The following SYNE2 variants were observed in gnomAD, a reference collection of about 807,000 sequenced individuals.
The protein encoded by SYNE2 is spectrin repeat containing nuclear envelope protein 2.
A neutral mutation model predicts 856.3 loss-of-function variants in SYNE2; 431 were observed. The ratio of observed to expected loss-of-function variants is 0.50; its 90% CI spans 0.47 to 0.55. The LOEUF (loss-of-function observed/expected upper bound fraction) is 0.55, where lower values mean the gene tolerates loss of function less well. Among genes scored for constraint, SYNE2 ranks in the 20% least tolerant of loss-of-function variants. SYNE2 has a pLI of 0.00. For synonymous variants in SYNE2, 2,923 were observed against 2,872.3 expected (o/e 1.02, Z -0.56); for missense variants, 8,129 against 8,023.2 (o/e 1.01, Z -0.50).
Position 64,218,291 on chromosome 14 carries a change from G to C in SYNE2, c.19543-107G>C, listed in dbSNP as rs894270865. 7 of 1,021,038 alleles carry C rather than the reference G, an allele frequency of 6.9e-6. No individual in the cohort carries two copies. In the African/African-American group the frequency reaches 1.1e-4, roughly 16 times the overall value. The allele number at this position is 1,021,038 out of a possible 1,614,324, so 63.2% of individuals were successfully genotyped here. On this transcript the variant is annotated intron_variant, in intron 108 of 115. Transcript: ENST00000555002. Reference sequence around the variant, plus strand: ...ATTCCTAGCAAGATACCCTTCAAAGGAAAGGGGCCCATCTCATTTCTTCAC... The same window carrying C: ...ATTCCTAGCAAGATACCCTTCAAAGCAAAGGGGCCCATCTCATTTCTTCAC...
chr14:63,881,939 T>C (rs901920878), intron 1 of SYNE2, among the ~76,000 whole-genome samples: 1 of 152,206 alleles, frequency 6.6e-6, no homozygotes, highest in African/African-American at 2.4e-5. Context: ...CTCTTTAGAA[T>C]AGTGTTTGAA....
intron 45 of SYNE2, among the ~76,000 whole-genome samples, chr14:64,047,758 C>T (rs1367752361): frequency 6.6e-6 from 1 of 152,056 alleles, no homozygotes; most frequent in East Asian, 1.9e-4. Flanking sequence ...ATAGATTTTG[C>T]TTCAGTATAC....
chr14:63,990,587 C>G lies in SYNE2; in HGVS notation c.2472+18C>G. On this transcript the variant is annotated intron_variant, in intron 20 of 115. Transcript: ENST00000555002. ...AAGTCCAGGTCTCTCTTTAATATTC[C>G]CTATTTAGTAATTCTGTTCTCTAAA... is the stretch of plus-strand genomic sequence containing the variant. 3.7e-6 allele frequency: 6 copies of G among 1,611,514 alleles called. No individual in the cohort carries two copies. The highest frequency in any genetic ancestry group is 3.4e-4 in the Middle Eastern group (2 of 5,952).
At chr14:64,032,427 C>G (rs77954264) in intron 45 of SYNE2, among the ~76,000 whole-genome samples, 3 of 152,078 alleles carry the variant, frequency 2.0e-5, no homozygotes, top group Non-Finnish European at 4.4e-5. Context: ...CCGGGCATGA[C>G]AGTGCACATC....
At chr14:63,850,348 A>G (rs1241023262), upstream of SYNE2, among the ~76,000 whole-genome samples, 1 of 150,624 alleles carries the variant, frequency 6.6e-6, no homozygotes, top group East Asian at 2.0e-4. Flanking sequence ...TCAGCCGCCC[A>G]AAGTGCTGGG....
intron 83 of SYNE2, 41 bp downstream of exon 83, chr14:64,143,989 T>TA (rs2098161569): frequency 6.2e-7 from 1 of 1,610,836 alleles, no homozygotes; most frequent in Admixed American, 1.7e-5. Flanking sequence ...GTTTGACCTT[T>TA]ATGAAACACA....
rs2098385116 is a variant in SYNE2, at chr14:64,167,224, T to A, written c.16606-9T>A. On this transcript the variant is annotated splice_polypyrimidine_tract_variant and intron_variant, in intron 90 of 115. Transcript: ENST00000555002. Reference sequence around the variant, plus strand: ...TCCAAAAACCTGTACTTCAATTTTTTAAAAATAGAATCATGTGCTGGCACT... The same window carrying A: ...TCCAAAAACCTGTACTTCAATTTTTAAAAAATAGAATCATGTGCTGGCACT... 6.2e-7 allele frequency: 1 copy of A among 1,614,084 alleles called. No homozygotes were observed. Among genetic ancestry groups the A allele is most frequent in the South Asian group, 1.1e-5 (1 of 91,080 alleles).
At chr14:63,803,337 C>T (rs1043058778) in intron 1 of SYNE2, among the ~76,000 whole-genome samples, 2 of 152,196 alleles carry the variant, frequency 1.3e-5, no homozygotes, top group African/African-American at 2.4e-5. Flanking sequence ...CGGGGAGGCT[C>T]GGGCGGCACA....
intron 1 of SYNE2, among the ~76,000 whole-genome samples, chr14:63,809,207 C>T (rs7143535): frequency 6.6e-6 from 1 of 151,316 alleles, no homozygotes. Context: ...TTAAATAAAG[C>T]GTTTGTGTTC....
At chr14:64,152,954 T>G (rs571999867) in intron 85 of SYNE2, among the ~76,000 whole-genome samples, 14 of 152,232 alleles carry the variant, frequency 9.2e-5, no homozygotes, top group Non-Finnish European at 1.8e-4. Flanking sequence ...CTTGGTTATC[T>G]TTGTTTTGTC....
At chr14:64,086,702 C>CTTTTTTTTTTTT (rs56168321) in intron 57 of SYNE2, among the ~76,000 whole-genome samples, 2 of 64,652 alleles carry the variant, frequency 3.1e-5, no homozygotes, top group African/African-American at 6.1e-5. Flanking sequence ...GTATGCAGGT[C>CTTTTTTTTTTTT]TTTTTTTTTT....
At chr14:64,164,048 T>G (rs2098352364) in intron 89 of SYNE2, among the ~76,000 whole-genome samples, 1 of 152,114 alleles carries the variant, frequency 6.6e-6, no homozygotes, top group African/African-American at 2.4e-5. Context: ...GCCTCCCGGA[T>G]AGCTGGGACT....
intron 84 of SYNE2, among the ~76,000 whole-genome samples, chr14:64,151,453 A>C (rs1180180813): frequency 1.7e-5 from 2 of 119,148 alleles, no homozygotes; most frequent in Admixed American, 8.4e-5. Flanking sequence ...AAAAGCTGGG[A>C]TCCTTAGGCA....
intron 12 of SYNE2, among the ~76,000 whole-genome samples, chr14:63,977,362 A>ACTT (rs2096552239): frequency 6.6e-6 from 1 of 151,902 alleles, no homozygotes; most frequent in African/African-American, 2.4e-5. Flanking sequence ...ACAGGTGCCC[A>ACTT]CTACCACACC....
intron 45 of SYNE2, among the ~76,000 whole-genome samples, chr14:64,039,386 C>A (rs560293802): frequency 6.6e-6 from 1 of 152,298 alleles, no homozygotes; most frequent in South Asian, 2.1e-4. Flanking sequence ...CATGCTCAGT[C>A]ATTTAGAGCT....
intron 11 of SYNE2, among the ~76,000 whole-genome samples, chr14:63,968,094 CA>C (rs1157132452): frequency 1.3e-5 from 2 of 151,998 alleles, no homozygotes; most frequent in African/African-American, 2.4e-5. Flanking sequence ...ACCTGGGAGG[CA>C]GAGGTTGCAG....
chr14:63,909,314 C>T (rs2095444973), intron 2 of SYNE2, 87 bp downstream of exon 2: 1 of 830,346 alleles, frequency 1.2e-6, no homozygotes, highest in African/African-American at 1.7e-5. Context: ...ATTTTCGTCT[C>T]TCTTATGGAG....
At chr14:64,036,413 G>GT (rs2097090869) in intron 45 of SYNE2, among the ~76,000 whole-genome samples, 1 of 152,076 alleles carries the variant, frequency 6.6e-6, no homozygotes, top group Admixed American at 6.5e-5. Flanking sequence ...TGCCTCCTGA[G>GT]TCGCTGGGAT....
chr14:63,790,006 C>A (rs1887675285), intron 1 of SYNE2, among the ~76,000 whole-genome samples: 1 of 152,134 alleles, frequency 6.6e-6, no homozygotes, highest in Non-Finnish European at 1.5e-5. Context: ...CACTTCCACC[C>A]TCCCTCTGTA....
Sources: gnomAD v4.1 joint callset for allele counts (sites outside exome capture counted in the v4.1 genomes callset) on GRCh38, gnomAD v4.1.1 for gene constraint, MANE v1.5 for transcripts, NCBI Gene and HGNC (gene_info 2026-07-23, HGNC 2026-07-21) for gene names.